Variants in NAALADL2 observed in about 807,000 individuals in gnomAD.
The protein encoded by NAALADL2 is N-acetylated alpha-linked acidic dipeptidase like 2.
Under a neutral mutation model 87.2 loss-of-function variants are expected in NAALADL2, and 76 were observed. The ratio of observed to expected loss-of-function variants is 0.87; its 90% CI spans 0.72 to 1.05. The LOEUF is 1.05. NAALADL2 is among the 50% of genes least tolerant of loss of function. The pLI, the probability that NAALADL2 is intolerant of heterozygous loss-of-function variation, is 0.00. For synonymous variants in NAALADL2, 354 were observed against 331.0 expected (o/e 1.07, Z -0.75); for missense variants, 1,089 against 945.8 (o/e 1.15, Z -1.99).
At chr3:175,363,810 C>G (rs1765277942) in intron 5 of NAALADL2, among the ~76,000 whole-genome samples, 2 of 147,902 alleles carry the variant, frequency 1.4e-5, no homozygotes, top group African/African-American at 4.9e-5. Flanking sequence ...GACTTTAACT[C>G]AAGACATTCT....
chr3:175,576,069 C>A lies in NAALADL2; in HGVS notation c.1682C>A (p.Ala561Asp). 3.1e-6 allele frequency: 5 copies of A among 1,612,562 alleles called. No homozygotes were observed. Among genetic ancestry groups the A allele is most frequent in the Non-Finnish European group, 4.2e-6 (5 of 1,179,154 alleles). Residue 561 changes from alanine to aspartate, a missense_variant, in exon 10 of 14, where the codon GCC becomes GAC. Ala to Asp is a moderately radical substitution (Grantham distance 126). Transcript: ENST00000454872. ...AATAATTTCAACTGTACCAGAAGAG[C>A]CCAGTGCCCAGAAACCAATATCAGT... The part of the protein sequence containing the change: ...EKNNFNCTRR[A>D]QCPETNISSI...
chr3:175,304,269 G>A (rs981453563), intron 4 of NAALADL2, among the ~76,000 whole-genome samples: 4 of 152,102 alleles, frequency 2.6e-5, no homozygotes, highest in Admixed American at 2.0e-4. Context: ...ATGCGGAAAT[G>A]AATTTATTAG....
intron 4 of NAALADL2, among the ~76,000 whole-genome samples, chr3:175,322,936 C>G (rs1760109667): frequency 6.6e-6 from 1 of 151,622 alleles, no homozygotes; most frequent in Non-Finnish European, 1.5e-5. Flanking sequence ...GTGGCGATTC[C>G]TCGGGGATCT....
chr3:175,105,190 C>G (rs1330208106), intron 2 of NAALADL2, among the ~76,000 whole-genome samples: 1 of 152,052 alleles, frequency 6.6e-6, no homozygotes, highest in Non-Finnish European at 1.5e-5. Flanking sequence ...CTCTATTTGC[C>G]TTTGCAACCC....
At chr3:175,084,336 T>G (rs529009131) in intron 1 of NAALADL2, among the ~76,000 whole-genome samples, 1 of 152,296 alleles carries the variant, frequency 6.6e-6, no homozygotes, top group South Asian at 2.1e-4. Context: ...AGCGATCAGC[T>G]GCCGGCAAGT....
At chr3:174,818,965 T>C (rs1721101880) in intron 3 of NAALADL2, among the ~76,000 whole-genome samples, 1 of 151,910 alleles carries the variant, frequency 6.6e-6, no homozygotes, top group Admixed American at 6.6e-5. Context: ...CTATTTTTGT[T>C]TGTTTCTTTC....
At chr3:174,585,363 A>G (rs574925355) in intron 2 of NAALADL2, among the ~76,000 whole-genome samples, 3 of 152,278 alleles carry the variant, frequency 2.0e-5, no homozygotes, top group Admixed American at 6.5e-5. Context: ...GGGCTGAAGC[A>G]TAAAACCTTT....
intron 2 of NAALADL2, among the ~76,000 whole-genome samples, chr3:175,142,335 A>G (rs1389042439): frequency 6.6e-6 from 1 of 152,000 alleles, no homozygotes; most frequent in Non-Finnish European, 1.5e-5. Context: ...ATTATGTTTT[A>G]TTTTCAAATG....
chr3:174,994,304 T>C (rs1747137094), intron 1 of NAALADL2, among the ~76,000 whole-genome samples: 1 of 152,168 alleles, frequency 6.6e-6, no homozygotes, highest in South Asian at 2.1e-4. Flanking sequence ...CAGAGGGATG[T>C]GAGGGTTCTC....
At chr3:175,128,322 A>T (rs1037488205) in intron 2 of NAALADL2, among the ~76,000 whole-genome samples, 8 of 152,206 alleles carry the variant, frequency 5.3e-5, no homozygotes, top group Admixed American at 6.5e-5. Flanking sequence ...AAGGTTTTTG[A>T]ATTCTTACAT....
intron 2 of NAALADL2, among the ~76,000 whole-genome samples, chr3:174,678,757 T>G (rs1003326204): frequency 1.3e-5 from 2 of 152,154 alleles, no homozygotes; most frequent in Admixed American, 6.6e-5. Flanking sequence ...ATTGGTAGAT[T>G]GTATCGATTA....
chr3:174,588,821 G>C (rs927887630), intron 2 of NAALADL2, among the ~76,000 whole-genome samples: 1 of 152,048 alleles, frequency 6.6e-6, no homozygotes, highest in Non-Finnish European at 1.5e-5. Flanking sequence ...CTACTCAGGG[G>C]TCAGGGACCC....
chr3:175,385,682 A>T (rs1768298792), intron 5 of NAALADL2, among the ~76,000 whole-genome samples: 1 of 152,160 alleles, frequency 6.6e-6, no homozygotes, highest in African/African-American at 2.4e-5. Context: ...GGGTCTCCCA[A>T]TTACCTTGAT....
intron 11 of NAALADL2, among the ~76,000 whole-genome samples, chr3:175,721,763 G>A (rs1742266464): frequency 6.6e-6 from 1 of 152,036 alleles, no homozygotes; most frequent in South Asian, 2.1e-4. Context: ...TAATATAAGA[G>A]CTGGGATGGG....
At chr3:174,641,914 G>A (rs368149543) in intron 2 of NAALADL2, among the ~76,000 whole-genome samples, 2 of 151,992 alleles carry the variant, frequency 1.3e-5, no homozygotes, top group African/African-American at 4.8e-5. Flanking sequence ...GGGCCACTAC[G>A]CCCAGCTGAC....
rs551385677 is a variant in NAALADL2 at position 174,987,294 on chromosome 3, G to A, written c.44-109496G>A. 3.3e-5 allele frequency among the ~76,000 whole-genome samples: 5 copies of A among 151,972 alleles called. No homozygotes were observed. The South Asian group carries it at 1.0e-3, about 31-fold the overall frequency. On this transcript the variant is annotated intron_variant, in intron 1 of 13. Transcript: ENST00000454872. ...ACCATCAAAACCAATACTCGGCCGG[G>A]CGCGGTGGCTCACGCCTGTAATCCC...
At chr3:174,885,618 T>C (rs753904244) in intron 1 of NAALADL2, among the ~76,000 whole-genome samples, 5 of 152,126 alleles carry the variant, frequency 3.3e-5, no homozygotes, top group Admixed American at 2.6e-4. Context: ...CTTTGCATTT[T>C]GGGGTCTAAT....
intron 2 of NAALADL2, among the ~76,000 whole-genome samples, chr3:175,139,914 T>G (rs1729738321): frequency 4.6e-5 from 7 of 152,094 alleles, no homozygotes. Flanking sequence ...CAACTAATAT[T>G]TATATAGCGC....
At chr3:175,456,645 A>T (rs1467159271) in intron 6 of NAALADL2, among the ~76,000 whole-genome samples, 1 of 152,098 alleles carries the variant, frequency 6.6e-6, no homozygotes, top group Non-Finnish European at 1.5e-5. Context: ...AACATAGTGA[A>T]TATCTCTGAC....
Sources: allele counts gnomAD v4.1 joint callset (sites outside exome capture counted in the v4.1 genomes callset), GRCh38; gene constraint gnomAD v4.1.1; transcripts MANE v1.5; gene names NCBI Gene and HGNC (gene_info 2026-07-23, HGNC 2026-07-21).